ANKS1A: variants seen among roughly 807,000 people sequenced by gnomAD.
ANKS1A encodes ankyrin repeat and SAM domain-containing protein 1A.
Under a neutral mutation model 120.3 loss-of-function variants are expected in ANKS1A, and 55 were observed. The ratio of observed to expected loss-of-function variants is 0.46; its 90% CI spans 0.37 to 0.57. The LOEUF is 0.57. Ranked by LOEUF, ANKS1A falls within the 20% of genes least tolerant of loss-of-function variation. The pLI is 0.00. For missense variants in ANKS1A, 1,123 were observed against 1,480.3 expected (o/e 0.76, Z 3.96); for synonymous variants, 590 against 604.7 (o/e 0.98, Z 0.36).
In ANKS1A at chr6:34,978,341, T is replaced by C. The variant is rs74444912; in HGVS notation, c.436-3349T>C. On this transcript the variant is annotated intron_variant, in intron 3 of 23. Coordinates refer to ENST00000360359, the MANE Select transcript of ANKS1A (RefSeq NM_015245.3). ...TGGGCTATTTCCTCTCACTCCATTT[T>C]CTCAGTCCAGATTAGTAGTAATAGG... 3.3e-3 allele frequency among the ~76,000 whole-genome samples: 505 copies of C among 152,310 alleles called. 4 individuals are homozygous for C. The highest frequency in any genetic ancestry group is 0.011 in the African/African-American group (468 of 41,558).
intron 1 of ANKS1A, among the ~76,000 whole-genome samples, chr6:34,941,076 C>T (rs1769506615): frequency 6.6e-6 from 1 of 152,004 alleles, no homozygotes; most frequent in Non-Finnish European, 1.5e-5. Flanking sequence ...GCAACTCCAC[C>T]TCCCGGGTTC....
intron 11 of ANKS1A, 76 bp from the exon 12 acceptor site, chr6:35,054,023 A>T: frequency 1.6e-6 from 2 of 1,240,748 alleles, no homozygotes; most frequent in South Asian, 1.2e-5. Flanking sequence ...GTCAGACCCC[A>T]CTGGCGCTGT....
Position 35,079,944 on chromosome 6 carries a change from A to C in ANKS1A, c.2544+16A>C. On this transcript the variant is annotated intron_variant, in intron 16 of 23. Coordinates refer to ENST00000360359, the MANE Select transcript of ANKS1A (RefSeq NM_015245.3). ...CCAGCTGAGGGTGAGTCGGGGAGGG[A>C]CAGAAAGGAATGTATGTTTGTTCCC... is the stretch of plus-strand genomic sequence containing the variant. The C allele has an allele frequency of 6.4e-7, 1 of 1,550,990 alleles. No individual in the cohort carries two copies. Among genetic ancestry groups the C allele is most frequent in the Non-Finnish European group, 8.7e-7 (1 of 1,146,450 alleles).
chr6:34,904,549 T>C (rs1767541529), intron 1 of ANKS1A, among the ~76,000 whole-genome samples: 1 of 152,034 alleles, frequency 6.6e-6, no homozygotes, highest in South Asian at 2.1e-4. Context: ...CTGGCTAACA[T>C]GGCGAAATCC....
chr6:34,925,232 T>C (rs1768649684), intron 1 of ANKS1A, among the ~76,000 whole-genome samples: 1 of 152,198 alleles, frequency 6.6e-6, no homozygotes, highest in South Asian at 2.1e-4. Context: ...TAATTAAAAG[T>C]CTTTTTGTTT....
intron 3 of ANKS1A, among the ~76,000 whole-genome samples, chr6:34,978,459 C>T (rs1458944613): frequency 6.6e-6 from 1 of 152,200 alleles, no homozygotes; most frequent in Non-Finnish European, 1.5e-5. Flanking sequence ...GTCTGTGCTG[C>T]TCCTTAGAAT....
chr6:35,062,018 C>T (rs780055005), intron 13 of ANKS1A, among the ~76,000 whole-genome samples: 2 of 152,230 alleles, frequency 1.3e-5, no homozygotes, highest in Non-Finnish European at 2.9e-5. Flanking sequence ...TTGGAAAGAA[C>T]AGGATTCCTA....
intron 1 of ANKS1A, among the ~76,000 whole-genome samples, chr6:34,951,673 C>A (rs1770099068): frequency 6.6e-6 from 1 of 152,146 alleles, no homozygotes; most frequent in Non-Finnish European, 1.5e-5. Context: ...AAATTCTTGT[C>A]ATTTTAATGT....
intron 1 of ANKS1A, among the ~76,000 whole-genome samples, chr6:34,946,838 TC>T (rs778322450): frequency 2.0e-5 from 3 of 152,224 alleles, no homozygotes; most frequent in Non-Finnish European, 2.9e-5. Context: ...TCTAAGGCTT[TC>T]ATTTTCAACA....
downstream of ANKS1A, among the ~76,000 whole-genome samples, chr6:35,095,404 A>C (rs754893152): frequency 1.3e-5 from 2 of 151,786 alleles, no homozygotes; most frequent in Non-Finnish European, 2.9e-5. Context: ...AAAAGCCCAA[A>C]AAATGAGCCA....
In ANKS1A at chr6:35,021,642, A is replaced by G. The variant is rs1774348238; in HGVS notation, c.2010+3583A>G. Among the ~76,000 whole-genome samples, 5 of 152,234 alleles carry G rather than the reference A, an allele frequency of 3.3e-5. No individual in the cohort carries two copies. The South Asian group carries it at 1.0e-3, about 32-fold the overall frequency. ...ATATTAATGTTACTATCTTGCTTGGAGCTGCAGAGAATGGGAACTGAGGAC... is the reference window on the plus strand; with the variant it reads ...ATATTAATGTTACTATCTTGCTTGGGGCTGCAGAGAATGGGAACTGAGGAC... On this transcript the variant is annotated intron_variant, in intron 11 of 23. Coordinates refer to ENST00000360359, the MANE Select transcript of ANKS1A (RefSeq NM_015245.3).
chr6:35,027,965 A>G (rs1386263223), intron 11 of ANKS1A, among the ~76,000 whole-genome samples: 2 of 103,866 alleles, frequency 1.9e-5, no homozygotes, highest in Admixed American at 1.1e-4. Context: ...CCACCTGTCC[A>G]TAACTCAAGG....
chr6:35,022,665 A>C (rs1479992422), intron 11 of ANKS1A, among the ~76,000 whole-genome samples: 1 of 152,200 alleles, frequency 6.6e-6, no homozygotes, highest in Non-Finnish European at 1.5e-5. Context: ...TTGGGACATA[A>C]TAGAGGGCAA....
chr6:35,084,402 G>A lies in ANKS1A; in HGVS notation c.3132+144G>A. On this transcript the variant is annotated intron_variant, in intron 21 of 23. Coordinates refer to ENST00000360359, the MANE Select transcript of ANKS1A (RefSeq NM_015245.3). The surrounding 1 kb of genome is among the most constrained non-coding windows in gnomAD (Gnocchi z 4.8). ...TTTGGTTCATGAATGGAGCCCAGCA[G>A]CACTCAGGCCGGTCCCCTTTCACAG... 1 of 1,207,926 alleles carries A rather than the reference G, an allele frequency of 8.3e-7. No individual in the cohort carries two copies. The highest frequency in any genetic ancestry group is 1.1e-6 in the Non-Finnish European group (1 of 890,060). The allele number at this position is 1,207,926 out of a possible 1,614,324, so 74.8% of individuals were successfully genotyped here.
chr6:34,948,352 T>C (rs866233188), intron 1 of ANKS1A, among the ~76,000 whole-genome samples: 1 of 152,178 alleles, frequency 6.6e-6, no homozygotes, highest in Non-Finnish European at 1.5e-5. Context: ...AAATAAAATG[T>C]TTCCTTCAAG....
chr6:34,925,289 G>A (rs1293770850), intron 1 of ANKS1A, among the ~76,000 whole-genome samples: 1 of 152,126 alleles, frequency 6.6e-6, no homozygotes, highest in Non-Finnish European at 1.5e-5. Flanking sequence ...TCCCTTAAGT[G>A]GTGTCATTCC....
chr6:35,060,486 G>T lies in ANKS1A; in HGVS notation c.2184+233G>T, dbSNP rs1353016391. On this transcript the variant is annotated intron_variant, in intron 13 of 23. Transcript: ENST00000360359. This position sits in a 1 kb window ranked among gnomAD's most constrained non-coding sequence, Gnocchi z 4.5. ...GGCTCCAGAGGGAGCTCTCTTTGCA[G>T]ATCTGCTTCCCAAGAAGGAGGGTCC... Among the ~76,000 whole-genome samples, 2 of 152,212 alleles carry T rather than the reference G, an allele frequency of 1.3e-5. No individual in the cohort carries two copies. Among genetic ancestry groups the T allele is most frequent in the African/African-American group, 4.8e-5 (2 of 41,450 alleles).
intron 7 of ANKS1A, among the ~76,000 whole-genome samples, chr6:34,984,730 T>C (rs1581596494): frequency 6.6e-6 from 1 of 152,160 alleles, no homozygotes; most frequent in Admixed American, 6.5e-5. Context: ...TATTAAAGAA[T>C]GTAAAGGGTA....
At chr6:35,002,270 G>T (rs1353035486) in intron 10 of ANKS1A, among the ~76,000 whole-genome samples, 1 of 151,990 alleles carries the variant, frequency 6.6e-6, no homozygotes, top group Non-Finnish European at 1.5e-5. Flanking sequence ...TCAGTAGACT[G>T]GGAGCTGTAC....
Sources: allele counts gnomAD v4.1 joint callset (sites outside exome capture counted in the v4.1 genomes callset), GRCh38; gene constraint gnomAD v4.1.1; non-coding constraint Gnocchi (gnomAD v3.1); transcripts MANE v1.5; gene names NCBI Gene and HGNC (gene_info 2026-07-23, HGNC 2026-07-21).